AKR1C2: variants seen among roughly 807,000 people sequenced by gnomAD.
AKR1C2 encodes the protein 3-alpha-HSD3.
A neutral mutation model predicts 39.8 loss-of-function variants in AKR1C2; 27 were observed. The observed-to-expected ratio is 0.68, with a 90% CI of 0.50 to 0.93. The LOEUF (loss-of-function observed/expected upper bound fraction) is 0.93. Among genes scored for constraint, AKR1C2 ranks in the 40% least tolerant of loss-of-function variants. AKR1C2 has a pLI of 0.00. For synonymous variants in AKR1C2, 114 were observed against 137.9 expected (o/e 0.83, Z 1.22); for missense variants, 263 against 365.1 (o/e 0.72, Z 2.28).
intron 1 of AKR1C2, among the ~76,000 whole-genome samples, chr10:5,017,599 C>T (rs1837669225): frequency 6.6e-6 from 1 of 152,180 alleles, no homozygotes; most frequent in Admixed American, 6.5e-5. Context: ...GCATTTTCTT[C>T]ATAACCATTC....
At chr10:4,993,445 C>A (rs1836909802) in intron 7 of AKR1C2, among the ~76,000 whole-genome samples, 1 of 152,164 alleles carries the variant, frequency 6.6e-6, no homozygotes, top group Middle Eastern at 3.4e-3. Flanking sequence ...ATTAGATACG[C>A]ATATTTGGAT....
At chr10:5,017,367 G>T (rs1837663840) in intron 1 of AKR1C2, among the ~76,000 whole-genome samples, 1 of 152,172 alleles carries the variant, frequency 6.6e-6, no homozygotes, top group South Asian at 2.1e-4. Flanking sequence ...AGGCAGCCAG[G>T]CCACATCTTG....
At chr10:4,997,534 G>C (rs1487653032) in intron 5 of AKR1C2, among the ~76,000 whole-genome samples, 1 of 151,904 alleles carries the variant, frequency 6.6e-6, no homozygotes, top group Non-Finnish European at 1.5e-5. Context: ...AACATTATAT[G>C]TATTTATGCA....
At chr10:4,998,235 A>C (rs1221367638) in intron 5 of AKR1C2, among the ~76,000 whole-genome samples, 2 of 150,380 alleles carry the variant, frequency 1.3e-5, no homozygotes, top group Non-Finnish European at 3.0e-5. Flanking sequence ...CTCTCTCCTT[A>C]TGTACTGTTC....
chr10:5,004,422 T>A (rs1175265350), upstream of AKR1C2, among the ~76,000 whole-genome samples: 1 of 152,152 alleles, frequency 6.6e-6, no homozygotes, highest in Non-Finnish European at 1.5e-5. Flanking sequence ...CATCCCTTCC[T>A]GATCAAGGTG....
At chr10:5,006,624 C>T (rs74791707), upstream of AKR1C2, 4,092 of 151,806 alleles carry the variant, frequency 0.027, 100 homozygotes, top group Middle Eastern at 0.085. Flanking sequence ...ATAAAAAGTA[C>T]GAAGATAAAC....
intron 1 of AKR1C2, among the ~76,000 whole-genome samples, chr10:5,014,147 A>G (rs555636951): frequency 6.6e-6 from 1 of 152,144 alleles, no homozygotes; most frequent in African/African-American, 2.4e-5. Flanking sequence ...TGTGAATAGA[A>G]TTATTATGAA....
Position 5,009,656 on chromosome 10 carries a change from G to GAAC in AKR1C2, c.-87-5737_-87-5735dup, listed in dbSNP as rs368094455. Reference sequence around the variant, plus strand: ...CCTGGATACTCGTGCCCCTAAATGAGAACAGGCATTTCTGTTTTCACGCCC... The same window carrying GAAC: ...CCTGGATACTCGTGCCCCTAAATGAGAACAACAGGCATTTCTGTTTTCACGCCC... On this transcript the variant is annotated intron_variant, in intron 1 of 6. Coordinates refer to the AKR1C2 transcript ENST00000604507. 2.2e-3 allele frequency among the ~76,000 whole-genome samples: 329 copies of GAAC among 152,146 alleles called. 6 individuals carry two copies. The highest frequency in any genetic ancestry group is 6.9e-3 in the African/African-American group (287 of 41,518).
At chr10:4,994,593 C>T (rs1401061322) in intron 7 of AKR1C2, among the ~76,000 whole-genome samples, 3 of 152,018 alleles carry the variant, frequency 2.0e-5, no homozygotes, top group African/African-American at 2.4e-5. Context: ...GAACCCTGGG[C>T]TGGATGGCTG....
At chr10:5,011,107 A>C (rs1554774884) in intron 1 of AKR1C2, among the ~76,000 whole-genome samples, 1 of 152,220 alleles carries the variant, frequency 6.6e-6, no homozygotes, top group Non-Finnish European at 1.5e-5. Flanking sequence ...CAAATTGTGA[A>C]TCTAATAGGG....
chr10:4,994,883 C>T (rs1459805962), intron 7 of AKR1C2, among the ~76,000 whole-genome samples: 1 of 136,142 alleles, frequency 7.3e-6, no homozygotes, highest in East Asian at 2.3e-4. Flanking sequence ...AGACACACAA[C>T]CACCTCGCCA....
chr10:5,013,091 A>C (rs1225009384), intron 1 of AKR1C2, among the ~76,000 whole-genome samples: 4 of 152,194 alleles, frequency 2.6e-5, no homozygotes, highest in African/African-American at 7.2e-5. Context: ...ACTAATGAGT[A>C]CTAGGCTTCA....
chr10:5,003,330 G>A (rs11813483), intron 1 of AKR1C2, among the ~76,000 whole-genome samples: 9,084 of 144,944 alleles, frequency 0.063, 256 homozygotes, highest in Middle Eastern at 0.12. Context: ...GCTCAAGGCC[G>A]CCCATCAGAA....
At chr10:5,017,393 AG>A (rs1473449015) in intron 1 of AKR1C2, among the ~76,000 whole-genome samples, 2 of 152,218 alleles carry the variant, frequency 1.3e-5, no homozygotes, top group Non-Finnish European at 2.9e-5. Context: ...TTTGATGCTT[AG>A]AAATTTCTTC....
chr10:5,003,059 AGCT>A (rs1837319219), intron 1 of AKR1C2, among the ~76,000 whole-genome samples: 2 of 151,870 alleles, frequency 1.3e-5, no homozygotes, highest in South Asian at 4.1e-4. Context: ...AATAGCATTT[AGCT>A]ATTTCTAAAT....
At chr10:5,016,087 G>A (rs1554775334) in intron 1 of AKR1C2, among the ~76,000 whole-genome samples, 1 of 152,110 alleles carries the variant, frequency 6.6e-6, no homozygotes, top group Admixed American at 6.6e-5. Flanking sequence ...CCAACAGTGG[G>A]AACTAGAATT....
intron 7 of AKR1C2, among the ~76,000 whole-genome samples, chr10:4,993,571 A>G (rs1280344441): frequency 2.6e-5 from 4 of 152,140 alleles, no homozygotes; most frequent in African/African-American, 9.7e-5. Context: ...TATTCCCAAT[A>G]TAGGATAAGA....
upstream of AKR1C2, among the ~76,000 whole-genome samples, chr10:5,008,146 G>C (rs1304302173): frequency 6.6e-6 from 1 of 151,552 alleles, no homozygotes; most frequent in African/African-American, 2.4e-5. Context: ...GGAATTTTGA[G>C]GGGTAAGGCC....
chr10:4,990,092 C>T lies in AKR1C2; in HGVS notation c.930-54G>A, dbSNP rs12774733. ...TGAATGGCAATGACTCCGTTACTAG[C>T]CCGTAGCGCAGTGATTTCTAGGAAG... On this transcript the variant is annotated intron_variant, in intron 8 of 8. Coordinates refer to ENST00000380753, the MANE Select transcript of AKR1C2 (RefSeq NM_001393392.1). 335,187 of 1,607,422 alleles carry T rather than the reference C, an allele frequency of 0.21. 39,058 individuals are homozygous for T. The highest frequency in any genetic ancestry group is 0.23 in the Non-Finnish European group (270,853 of 1,176,214).
Sources: allele counts gnomAD v4.1 joint callset (sites outside exome capture counted in the v4.1 genomes callset), GRCh38; gene constraint gnomAD v4.1.1; transcripts MANE v1.5; gene names NCBI Gene and HGNC (gene_info 2026-07-23, HGNC 2026-07-21).